GALK2: variants seen among roughly 807,000 people sequenced by gnomAD.
GALK2 encodes galactokinase 2.
In GALK2, 36 loss-of-function variants were observed where a neutral mutation model predicts 52.4. The observed-to-expected ratio is 0.69, with a 90% CI of 0.53 to 0.91. The LOEUF is 0.91. Among genes scored for constraint, GALK2 ranks in the 40% least tolerant of loss-of-function variants. GALK2 has a pLI of 0.00. For missense variants in GALK2, 579 were observed against 559.1 expected, an observed-to-expected ratio of 1.04 and a Z score of -0.36; for synonymous variants, 176 against 199.1, an observed-to-expected ratio of 0.88 and a Z score of 0.98.
At chr15:49,365,388 AAGAACC>A in intron 3 of GALK2, 2 of 1,197,818 alleles carry the variant, frequency 1.7e-6, no homozygotes, top group Non-Finnish European at 2.5e-6. Context: ...TATATATACG[AAGAACC>A]AGTCTAAACA....
At chr15:49,225,011 T>C (rs976015621) in intron 3 of GALK2, among the ~76,000 whole-genome samples, 1 of 152,206 alleles carries the variant, frequency 6.6e-6, no homozygotes, top group African/African-American at 2.4e-5. Context: ...ATCCAGTAAA[T>C]GGTGCTTAAG....
intron 5 of GALK2, among the ~76,000 whole-genome samples, chr15:49,260,517 G>A (rs1455121772): frequency 6.8e-6 from 1 of 146,188 alleles, no homozygotes; most frequent in Non-Finnish European, 1.5e-5. Context: ...TTTGTAGGTT[G>A]CCTGTTCACT....
intron 5 of GALK2, among the ~76,000 whole-genome samples, chr15:49,249,592 A>G (rs772845077): frequency 2.0e-5 from 3 of 152,186 alleles, no homozygotes; most frequent in African/African-American, 4.8e-5. Context: ...TTGTAATTGT[A>G]TGAAGTTTTG....
At chr15:49,177,365 C>T (rs1193355570) in intron 1 of GALK2, among the ~76,000 whole-genome samples, 1 of 100,368 alleles carries the variant, frequency 1.0e-5, no homozygotes, top group Non-Finnish European at 2.3e-5. Flanking sequence ...ATGTTTTAAA[C>T]ACTGCCAGAT....
At chr15:49,355,874 A>G (rs1006761698) in intron 3 of GALK2, among the ~76,000 whole-genome samples, 1 of 152,234 alleles carries the variant, frequency 6.6e-6, no homozygotes, top group African/African-American at 2.4e-5. Flanking sequence ...GAAGCCCATC[A>G]GACTAACAGT....
chr15:49,214,351 A>ATTTTTT (rs2089197596), intron 2 of GALK2, among the ~76,000 whole-genome samples: 2 of 85,926 alleles, frequency 2.3e-5, no homozygotes, highest in Admixed American at 1.1e-4. Context: ...TTTTTTTTTG[A>ATTTTTT]GATGGAGTCT....
chr15:49,353,700 T>G (rs2042602179), intron 3 of GALK2: 1 of 151,634 alleles, frequency 6.6e-6, no homozygotes, highest in African/African-American at 2.4e-5. Flanking sequence ...GCCCAGAGTA[T>G]TTTAGAAGGA....
chr15:49,182,839 C>T (rs1301607375), intron 1 of GALK2, among the ~76,000 whole-genome samples: 1 of 152,118 alleles, frequency 6.6e-6, no homozygotes. Flanking sequence ...TGAATTATTA[C>T]ATTTTTTCCT....
At chr15:49,194,410 A>G (rs534889122) in intron 1 of GALK2, among the ~76,000 whole-genome samples, 88 of 152,290 alleles carry the variant, frequency 5.8e-4, no homozygotes, top group African/African-American at 2.0e-3. Flanking sequence ...GTTTCTGGAC[A>G]TGATATTATT....
chr15:49,285,556 A>G (rs959707211), intron 7 of GALK2, among the ~76,000 whole-genome samples: 5 of 152,132 alleles, frequency 3.3e-5, no homozygotes, highest in Non-Finnish European at 7.4e-5. Flanking sequence ...AACATCTTCA[A>G]CTAAGGCTTT....
chr15:49,319,543 T>G, intron 8 of GALK2, 61 bp from the exon 9 acceptor site: 1 of 1,406,502 alleles, frequency 7.1e-7, no homozygotes, highest in Non-Finnish European at 9.9e-7. Flanking sequence ...TGTATTTTTC[T>G]TTATACTGGG....
At chr15:49,238,664 C>T (rs941748600) in intron 4 of GALK2, among the ~76,000 whole-genome samples, 3 of 152,118 alleles carry the variant, frequency 2.0e-5, no homozygotes, top group East Asian at 3.8e-4. Flanking sequence ...CTCTTGGTGC[C>T]TAGGTTTTTT....
At position 49,217,217 on chromosome 15, in the gene GALK2, C is replaced by G. The variant is rs75689896; in HGVS notation, c.170C>G (p.Ser57Cys). 1 of 1,610,510 alleles carries G rather than the reference C, an allele frequency of 6.2e-7. No individual in the cohort carries two copies. The highest frequency in any genetic ancestry group is 8.5e-7 in the Non-Finnish European group (1 of 1,177,004). Residue 57 changes from serine to cysteine, a missense_variant, in exon 3 of 10, where the codon TCT (serine) becomes TGT (cysteine). By Grantham distance (112) the Ser-to-Cys change is moderately radical (BLOSUM62 -1). Coordinates refer to ENST00000560031, the MANE Select transcript of GALK2 (RefSeq NM_002044.4). ...GAGCATATAGATTATTGTGGATATTCTGTTCTTCCTATGGCTGTAGAACAA... is the reference window on the plus strand; with the variant it reads ...GAGCATATAGATTATTGTGGATATTGTGTTCTTCCTATGGCTGTAGAACAA... The part of the protein sequence containing the change: ...IGEHIDYCGY[S>C]VLPMAVEQDV...
Position 49,239,335 on chromosome 15 carries a change from A to T in GALK2, c.472A>T (p.Thr158Ser). The change falls in exon 5 of 10, where the codon ACG (threonine) becomes TCG (serine). Residue 158 changes from threonine (T) to serine (S), a missense_variant. Physicochemically the swap from Thr to Ser is moderately conservative, Grantham distance 58 (BLOSUM62 1). Transcript: ENST00000560031. ...TTTGGTCTGTTGTGCTGGCTTGGTGACGCTCACAGTGCTGGGAAGGAATCT... is the reference window on the plus strand; with the variant it reads ...TTTGGTCTGTTGTGCTGGCTTGGTGTCGCTCACAGTGCTGGGAAGGAATCT... ...SALVCCAGLVTLTVLGRNLSK... is the reference protein window; with the variant it reads ...SALVCCAGLVSLTVLGRNLSK... 6.2e-7 allele frequency: 1 copy of T among 1,614,100 alleles called. No individual in the cohort carries two copies. Among genetic ancestry groups the T allele is most frequent in the Admixed American group, 1.7e-5 (1 of 60,020 alleles).
chr15:49,259,632 G>C (rs953538233), intron 5 of GALK2, among the ~76,000 whole-genome samples: 16 of 147,414 alleles, frequency 1.1e-4, no homozygotes, highest in Non-Finnish European at 1.3e-4. Context: ...ACAATGTGCA[G>C]GTTAGTTACA....
intron 3 of GALK2, among the ~76,000 whole-genome samples, chr15:49,220,158 A>G (rs1360366348): frequency 6.6e-6 from 1 of 150,516 alleles, no homozygotes; most frequent in East Asian, 2.0e-4. Flanking sequence ...TATACAATAC[A>G]TGGTTGATAA....
intron 8 of GALK2, among the ~76,000 whole-genome samples, chr15:49,297,290 T>A (rs978200548): frequency 1.3e-5 from 2 of 152,144 alleles, no homozygotes; most frequent in African/African-American, 2.4e-5. Context: ...TGTTTCTTGC[T>A]TGTTGATTTG....
At chr15:49,338,634 G>A (rs2040183801) in intron 3 of GALK2, among the ~76,000 whole-genome samples, 2 of 152,144 alleles carry the variant, frequency 1.3e-5, no homozygotes, top group South Asian at 2.1e-4. Flanking sequence ...GAGTATCTTT[G>A]TGGTGTTCTC....
At chr15:49,250,443 A>G (rs2091542699) in intron 5 of GALK2, among the ~76,000 whole-genome samples, 1 of 152,210 alleles carries the variant, frequency 6.6e-6, no homozygotes, top group Non-Finnish European at 1.5e-5. Context: ...TTTTATGCAC[A>G]TCAACTCTAA....
Sources: gnomAD v4.1 joint callset for allele counts (sites outside exome capture counted in the v4.1 genomes callset) on GRCh38, gnomAD v4.1.1 for gene constraint, MANE v1.5 for transcripts, NCBI Gene and HGNC (gene_info 2026-07-23, HGNC 2026-07-21) for gene names.